Variants in PCDH19 observed in about 807,000 individuals in gnomAD.
PCDH19 encodes protocadherin 19, also known as protocadherin-19.
In PCDH19, 6 loss-of-function variants were observed where a neutral mutation model predicts 46.2. The observed-to-expected ratio is 0.13, with a 90% CI of 0.07 to 0.26. The LOEUF (loss-of-function observed/expected upper bound fraction) is 0.26. PCDH19 is among the 10% of genes least tolerant of loss of function. PCDH19 has a pLI of 1.00. For missense variants in PCDH19, 740 were observed against 972.3 expected (o/e 0.76, Z 3.18); for synonymous variants, 481 against 415.7 (o/e 1.16, Z -1.91).
At chrX:100,363,861 G>A (rs868792535) in intron 3 of PCDH19, among the ~76,000 whole-genome samples, 1,567 of 88,934 alleles carry the variant, frequency 0.018, 37 homozygotes, top group African/African-American at 0.067. Context: ...GCGTGCGTGT[G>A]TGTGTGTGTG....
intron 4 of PCDH19, among the ~76,000 whole-genome samples, chrX:100,342,808 T>C (rs969005360): frequency 8.9e-6 from 1 of 111,887 alleles, no homozygotes; most frequent in Admixed American, 9.5e-5. Flanking sequence ...CTGAGAAAAA[T>C]AGATGAACAT....
At chrX:100,405,605 A>C (rs1928324225) in intron 1 of PCDH19, among the ~76,000 whole-genome samples, 1 of 87,984 alleles carries the variant, frequency 1.1e-5, no homozygotes, top group African/African-American at 4.6e-5. Context: ...TCCTTCACAC[A>C]CTTCAAGAGA....
At chrX:100,384,389 A>G in intron 3 of PCDH19, among the ~76,000 whole-genome samples, 1 of 111,157 alleles carries the variant, frequency 9.0e-6, no homozygotes, top group Admixed American at 9.6e-5. Context: ...TCCATCTATG[A>G]AACTAATAAT....
At chrX:100,337,320 C>T (rs1168645729) in intron 5 of PCDH19, among the ~76,000 whole-genome samples, 2 of 111,691 alleles carry the variant, frequency 1.8e-5, no homozygotes, top group Non-Finnish European at 1.9e-5. Flanking sequence ...TGGTAAAACC[C>T]GCCAATGACA....
At chrX:100,304,044 G>C (rs910515572) in intron 5 of PCDH19, among the ~76,000 whole-genome samples, 1 of 112,283 alleles carries the variant, frequency 8.9e-6, no homozygotes, top group Non-Finnish European at 1.9e-5. Context: ...AGATGATCCA[G>C]CATCCACCCT....
chrX:100,315,134 G>A (rs1035305500), intron 5 of PCDH19, among the ~76,000 whole-genome samples: 2 of 112,162 alleles, frequency 1.8e-5, no homozygotes, highest in African/African-American at 3.2e-5. Context: ...TCTGTGGGGT[G>A]GGGCACCTAT....
At chrX:100,328,665 C>T (rs1194416551) in intron 5 of PCDH19, among the ~76,000 whole-genome samples, 1 of 111,673 alleles carries the variant, frequency 9.0e-6, no homozygotes, top group Non-Finnish European at 1.9e-5. Flanking sequence ...GTAGAAACAT[C>T]TGCCGCCTAC....
rs758584170 is a variant in PCDH19, at chrX:100,408,048, C to T, written c.550G>A (p.Gly184Ser). The T allele has an allele frequency of 8.3e-7, 1 of 1,208,685 alleles. No homozygotes were observed. The highest frequency in any genetic ancestry group is 1.1e-6 in the Non-Finnish European group (1 of 895,606). ...ACCACGAGTTCGGCAAAGCGGGAGC[C>T]GTCGCCGCGCGTCTTGATCTCCAGG... ...FGLEIKTRGD[G>S]SRFAELVVEK... Residue 184 changes from glycine (G) to serine (S), a missense_variant, in exon 1 of 6, where the codon GGC (glycine) becomes AGC (serine). Physicochemically the swap from Gly to Ser is moderately conservative, Grantham distance 56. Transcript: ENST00000373034.
At chrX:100,308,567 A>G (rs959902889) in intron 5 of PCDH19, among the ~76,000 whole-genome samples, 2 of 112,115 alleles carry the variant, frequency 1.8e-5, no homozygotes, top group African/African-American at 6.5e-5. Flanking sequence ...ACAGCAAAAG[A>G]AATAATCAGC....
chrX:100,366,363 G>T (rs964703598), intron 3 of PCDH19, among the ~76,000 whole-genome samples: 1 of 111,612 alleles, frequency 9.0e-6, no homozygotes, highest in Non-Finnish European at 1.9e-5. Context: ...GACAAGTATT[G>T]CTCCCTGGTG....
intron 5 of PCDH19, among the ~76,000 whole-genome samples, chrX:100,301,960 C>T (rs987387061): frequency 1.5e-4 from 17 of 112,110 alleles, no homozygotes; most frequent in African/African-American, 4.9e-4. Flanking sequence ...ATTGGACCAA[C>T]ATTATAAAGC....
At chrX:100,378,167 G>A (rs1461275947) in intron 3 of PCDH19, among the ~76,000 whole-genome samples, 1 of 112,676 alleles carries the variant, frequency 8.9e-6, no homozygotes, top group African/African-American at 3.2e-5. Flanking sequence ...CCATCCAAGA[G>A]AAAGCGAGCT....
intron 3 of PCDH19, among the ~76,000 whole-genome samples, chrX:100,378,806 G>C (rs1490338646): frequency 8.9e-6 from 1 of 112,226 alleles, no homozygotes; most frequent in Non-Finnish European, 1.9e-5. Context: ...CTGCAGCTGG[G>C]CCATGGATGT....
chrX:100,358,660 T>C (rs1879420934), intron 3 of PCDH19, among the ~76,000 whole-genome samples: 1 of 112,119 alleles, frequency 8.9e-6, no homozygotes, highest in African/African-American at 3.2e-5. Context: ...ATAAAACAAA[T>C]ACAGGCTTCT....
intron 3 of PCDH19, among the ~76,000 whole-genome samples, chrX:100,384,368 G>T (rs780826267): frequency 1.6e-3 from 177 of 110,716 alleles, no homozygotes; most frequent in African/African-American, 5.4e-3. Flanking sequence ...ACTAAAATTA[G>T]ATACTCATTT....
chrX:100,402,813 C>T lies in PCDH19; in HGVS notation c.2327G>A (p.Ser776Asn). ...ATTCTTACTGATTTTTTTCTTCTTG[C>T]TTGATTTCTTTTGATGCCCATAGGA... Reference protein sequence around the residue: ...EYSYGHQKKSSKKKKISKNDI... With the variant: ...EYSYGHQKKSNKKKKISKNDI... The change falls in exon 3 of 6, where the codon AGC becomes AAC. Residue 776 changes from serine to asparagine, a missense_variant. Ser to Asn is a conservative substitution (Grantham distance 46). Transcript: ENST00000373034. 1.7e-6 allele frequency: 2 copies of T among 1,210,853 alleles called. No homozygotes were observed. Among genetic ancestry groups the T allele is most frequent in the Non-Finnish European group, 2.2e-6 (2 of 894,932 alleles).
At chrX:100,403,715 T>C (rs1928265090) in intron 1 of PCDH19, 51 bp from the exon 2 acceptor site, 2 of 1,094,191 alleles carry the variant, frequency 1.8e-6, no homozygotes, top group South Asian at 4.2e-5. Context: ...TCCATTCAGG[T>C]GTACCTACAA....
chrX:100,379,430 G>C (rs749862265), intron 3 of PCDH19, among the ~76,000 whole-genome samples: 1 of 111,281 alleles, frequency 9.0e-6, no homozygotes, highest in East Asian at 2.9e-4. Flanking sequence ...AAATAGGTAA[G>C]GAATGGTTGC....
intron 5 of PCDH19, among the ~76,000 whole-genome samples, chrX:100,302,303 G>T (rs1924806469): frequency 8.9e-6 from 1 of 111,837 alleles, no homozygotes; most frequent in Non-Finnish European, 1.9e-5. Flanking sequence ...ATTACTAGCG[G>T]TTAAACACAA....
Sources: allele counts gnomAD v4.1 joint callset (sites outside exome capture counted in the v4.1 genomes callset), GRCh38; gene constraint gnomAD v4.1.1; transcripts MANE v1.5; gene names NCBI Gene and HGNC (gene_info 2026-07-23, HGNC 2026-07-21).